The following REV3L variants were observed in gnomAD, a reference collection of about 807,000 sequenced individuals.
REV3L encodes REV3 like, DNA directed polymerase zeta catalytic subunit, also known as DNA polymerase zeta catalytic subunit.
In REV3L, 69 loss-of-function variants were observed where a neutral mutation model predicts 299.4. The observed-to-expected ratio is 0.23, with a 90% CI of 0.19 to 0.28. The LOEUF is 0.28. Among genes scored for constraint, REV3L ranks in the 10% least tolerant of loss-of-function variants. The probability of loss-of-function intolerance (pLI) is 1.00; values close to 1 mark genes in which losing one functional copy is unlikely to be tolerated. For synonymous variants in REV3L, 1,238 were observed against 1,271.4 expected, an observed-to-expected ratio of 0.97 and a Z score of 0.56; for missense variants, 3,128 against 3,693.8, an observed-to-expected ratio of 0.85 and a Z score of 3.97.
intron 16 of REV3L, among the ~76,000 whole-genome samples, chr6:111,362,486 C>G (rs1778795106): frequency 6.6e-6 from 1 of 152,092 alleles, no homozygotes; most frequent in African/African-American, 2.4e-5. Flanking sequence ...CTGTATAAAA[C>G]TAGCATTGTC....
intron 9 of REV3L, among the ~76,000 whole-genome samples, chr6:111,386,253 CTAACA>C (rs1213000300): frequency 1.2e-4 from 18 of 152,220 alleles, no homozygotes; most frequent in Admixed American, 1.2e-3. Context: ...AGAGAAATAG[CTAACA>C]TTGTTGTTTA....
At position 111,387,920 on chromosome 6, in the gene REV3L, A is replaced by G; in HGVS notation, c.948-7T>C. 2 of 1,613,648 alleles carry G rather than the reference A, an allele frequency of 1.2e-6. No individual in the cohort carries two copies. Among genetic ancestry groups the G allele is most frequent in the Non-Finnish European group, 1.7e-6 (2 of 1,179,646 alleles). On this transcript the variant is annotated splice_region_variant and splice_polypyrimidine_tract_variant and intron_variant, in intron 8 of 31. Coordinates refer to ENST00000368802, the MANE Select transcript of REV3L (RefSeq NM_001372078.1). Reference sequence around the variant, plus strand: ...CACAGATCCTGATAATGTTCTGCTTAATTAAAACATATCCTTTATAACAGA... The same window carrying G: ...CACAGATCCTGATAATGTTCTGCTTGATTAAAACATATCCTTTATAACAGA...
chr6:111,365,071 T>C lies in REV3L; in HGVS notation c.6753+194A>G, dbSNP rs909134462. Among the ~76,000 whole-genome samples, 7 of 151,872 alleles carry C rather than the reference T, an allele frequency of 4.6e-5. 1 individual carries two copies. The highest frequency in any genetic ancestry group is 1.3e-4 in the Admixed American group (2 of 15,224). ...TAATATTTGTATTTACATATAAGAA[T>C]CTTTTAGATCCCAACATCAAAAAAA... On this transcript the variant is annotated intron_variant, in intron 15 of 31. Transcript: ENST00000368802.
intron 1 of REV3L, among the ~76,000 whole-genome samples, chr6:111,437,447 A>G (rs1787688790): frequency 6.6e-6 from 1 of 151,894 alleles, no homozygotes; most frequent in Non-Finnish European, 1.5e-5. Flanking sequence ...TACTATATAT[A>G]AAATTAAAAT....
intron 3 of REV3L, among the ~76,000 whole-genome samples, chr6:111,409,022 A>G (rs921748288): frequency 1.6e-4 from 24 of 152,228 alleles, no homozygotes; most frequent in Admixed American, 6.5e-5. Context: ...CTATGTTAAC[A>G]TAAATAACAT....
At chr6:111,301,946 GC>G (rs1467750160) in intron 31 of REV3L, among the ~76,000 whole-genome samples, 1 of 152,164 alleles carries the variant, frequency 6.6e-6, no homozygotes, top group African/African-American at 2.4e-5. Flanking sequence ...TTTTAAAAAA[GC>G]CATACCAAAT....
intron 16 of REV3L, 90 bp downstream of exon 16, chr6:111,363,763 C>A: frequency 7.8e-7 from 1 of 1,275,396 alleles, no homozygotes; most frequent in South Asian, 1.5e-5. Flanking sequence ...TATACTCCTC[C>A]CTTGTTAAAA....
At chr6:111,403,059 G>A (rs979916484) in intron 4 of REV3L, among the ~76,000 whole-genome samples, 4 of 152,112 alleles carry the variant, frequency 2.6e-5, no homozygotes, top group Non-Finnish European at 5.9e-5. Flanking sequence ...GTATTATTTG[G>A]CCATAAAAAG....
chr6:111,325,152 C>T (rs1314077835), intron 25 of REV3L, among the ~76,000 whole-genome samples: 1 of 152,310 alleles, frequency 6.6e-6, no homozygotes, highest in East Asian at 1.9e-4. Flanking sequence ...TGAGCCACTG[C>T]ACCTGGCCTC....
chr6:111,477,050 A>T (rs1299395446), intron 1 of REV3L, among the ~76,000 whole-genome samples: 1 of 152,216 alleles, frequency 6.6e-6, no homozygotes, highest in Non-Finnish European at 1.5e-5. Flanking sequence ...ACTTTTAATA[A>T]GTGACTATTT....
intron 20 of REV3L, 94 bp from the exon 21 acceptor site, chr6:111,344,137 T>A: frequency 1.4e-6 from 1 of 731,262 alleles, no homozygotes. Flanking sequence ...AAACTTTTCA[T>A]AGTAGATATT....
chr6:111,439,747 C>T (rs1414735085), intron 1 of REV3L, among the ~76,000 whole-genome samples: 1 of 152,154 alleles, frequency 6.6e-6, no homozygotes, highest in African/African-American at 2.4e-5. Context: ...TGGTCTGCTG[C>T]CCGTTTGACC....
intron 1 of REV3L, among the ~76,000 whole-genome samples, chr6:111,445,121 C>T (rs538159211): frequency 1.2e-4 from 18 of 152,218 alleles, no homozygotes; most frequent in African/African-American, 4.1e-4. Flanking sequence ...GAAGAAGAAA[C>T]AAAAACTTTT....
chr6:111,343,172 C>T (rs568894610), intron 21 of REV3L, among the ~76,000 whole-genome samples: 1 of 152,258 alleles, frequency 6.6e-6, no homozygotes, highest in Middle Eastern at 3.4e-3. Flanking sequence ...CTGGAAACAA[C>T]CCAAATGTCC....
intron 16 of REV3L, among the ~76,000 whole-genome samples, chr6:111,362,277 T>TA (rs896086452): frequency 2.0e-5 from 3 of 152,044 alleles, no homozygotes; most frequent in African/African-American, 7.2e-5. Context: ...AATCTAATTC[T>TA]AAAAAAACAT....
intron 9 of REV3L, among the ~76,000 whole-genome samples, chr6:111,383,638 G>A (rs1781053668): frequency 2.0e-5 from 3 of 152,108 alleles, no homozygotes; most frequent in South Asian, 2.1e-4. Flanking sequence ...GATATTCCAC[G>A]TTCATGGATT....
chr6:111,335,622 G>T lies in REV3L; in HGVS notation c.7539-12C>A, dbSNP rs1226170528. On this transcript the variant is annotated splice_polypyrimidine_tract_variant and intron_variant, in intron 21 of 31. Coordinates refer to ENST00000368802, the MANE Select transcript of REV3L (RefSeq NM_001372078.1). ...CAACCATTTTCCATCTGTTAAAAAA[G>T]AATCCACATTATGAACATCAGGGAA... 11 of 1,600,010 alleles carry T rather than the reference G, an allele frequency of 6.9e-6. No homozygotes were observed. Among genetic ancestry groups the T allele is most frequent in the Non-Finnish European group, 9.4e-6 (11 of 1,174,474 alleles).
At chr6:111,447,399 C>A (rs1360940518) in intron 1 of REV3L, among the ~76,000 whole-genome samples, 1 of 152,144 alleles carries the variant, frequency 6.6e-6, no homozygotes, top group Admixed American at 6.5e-5. Context: ...AACCTGTGGT[C>A]TTTATGAGCA....
chr6:111,465,089 T>G (rs1007966427), intron 1 of REV3L, among the ~76,000 whole-genome samples: 5 of 150,000 alleles, frequency 3.3e-5, no homozygotes, highest in African/African-American at 1.2e-4. Context: ...TTATTTGTTT[T>G]TTTTTTTTTT....
Sources: allele counts gnomAD v4.1 joint callset (sites outside exome capture counted in the v4.1 genomes callset), GRCh38; gene constraint gnomAD v4.1.1; transcripts MANE v1.5; gene names NCBI Gene and HGNC (gene_info 2026-07-23, HGNC 2026-07-21).